The following ANKIB1 variants were observed in gnomAD, a reference collection of about 807,000 sequenced individuals.
ANKIB1 encodes ankyrin repeat and IBR domain containing 1.
In ANKIB1, 43 loss-of-function variants were observed where a neutral mutation model predicts 122.1. The ratio of observed to expected loss-of-function variants is 0.35; its 90% confidence interval spans 0.28 to 0.45. ANKIB1 has a LOEUF of 0.45. Ranked by LOEUF, ANKIB1 falls within the 20% of genes least tolerant of loss-of-function variation. ANKIB1 has a pLI of 1.00. For missense variants in ANKIB1, 992 were observed against 1,329.5 expected, an observed-to-expected ratio of 0.75 and a Z score of 3.95; for synonymous variants, 390 against 442.0, an observed-to-expected ratio of 0.88 and a Z score of 1.48.
At chr7:92,257,108 T>C (rs887166701) in intron 1 of ANKIB1, among the ~76,000 whole-genome samples, 24 of 151,550 alleles carry the variant, frequency 1.6e-4, no homozygotes, top group African/African-American at 4.1e-4. Context: ...TAGAATTGCT[T>C]GAACCTGAGA....
intron 3 of ANKIB1, among the ~76,000 whole-genome samples, chr7:92,316,839 T>G (rs1246545150): frequency 2.6e-5 from 4 of 152,202 alleles, no homozygotes; most frequent in Non-Finnish European, 2.9e-5. Flanking sequence ...AATTTTGTTG[T>G]CTTTGCTTTT....
chr7:92,264,791 A>G (rs538239525), intron 1 of ANKIB1, among the ~76,000 whole-genome samples: 25 of 152,316 alleles, frequency 1.6e-4, no homozygotes, highest in Non-Finnish European at 2.1e-4. Context: ...GAATAAAACA[A>G]TTATGGTCTC....
intron 11 of ANKIB1, among the ~76,000 whole-genome samples, chr7:92,377,050 A>C (rs574268666): frequency 6.6e-6 from 1 of 152,248 alleles, no homozygotes; most frequent in African/African-American, 2.4e-5. Flanking sequence ...TTTCCTTTGC[A>C]TTCCCAATTT....
chr7:92,254,535 A>AC (rs1384778543), intron 1 of ANKIB1, among the ~76,000 whole-genome samples: 1 of 152,154 alleles, frequency 6.6e-6, no homozygotes, highest in Non-Finnish European at 1.5e-5. Flanking sequence ...TTTAAAAAAA[A>AC]GTTTCCTATG....
intron 1 of ANKIB1, chr7:92,294,559 A>T (rs1802313615): frequency 4.4e-6 from 1 of 224,790 alleles, no homozygotes. Context: ...AAGTGTTTTC[A>T]ACCATAAAAT....
chr7:92,378,363 G>A (rs530936892), intron 11 of ANKIB1, among the ~76,000 whole-genome samples: 2 of 151,918 alleles, frequency 1.3e-5, no homozygotes, highest in African/African-American at 4.8e-5. Flanking sequence ...GATTAGGGAT[G>A]CTTCCACCTA....
At chr7:92,261,472 G>T (rs1801563411) in intron 1 of ANKIB1, among the ~76,000 whole-genome samples, 1 of 151,564 alleles carries the variant, frequency 6.6e-6, no homozygotes, top group Non-Finnish European at 1.5e-5. Flanking sequence ...TCTCTCTAAG[G>T]TATATGAGTT....
intron 1 of ANKIB1, among the ~76,000 whole-genome samples, chr7:92,255,972 C>T (rs1801435977): frequency 6.6e-6 from 1 of 150,582 alleles, no homozygotes; most frequent in Non-Finnish European, 1.5e-5. Context: ...TACCAGATAA[C>T]TCAAGAAGCA....
At chr7:92,263,854 T>A (rs1446726817) in intron 1 of ANKIB1, among the ~76,000 whole-genome samples, 1 of 152,190 alleles carries the variant, frequency 6.6e-6, no homozygotes, top group Non-Finnish European at 1.5e-5. Flanking sequence ...TGATTTCAAG[T>A]ATTACTTAAT....
At chr7:92,385,039 G>GA (rs1449420887) in intron 11 of ANKIB1, among the ~76,000 whole-genome samples, 1 of 151,904 alleles carries the variant, frequency 6.6e-6, no homozygotes, top group East Asian at 1.9e-4. Context: ...CAATTTACAA[G>GA]AAAAAAACAA....
intron 10 of ANKIB1, among the ~76,000 whole-genome samples, chr7:92,363,568 G>A (rs974147712): frequency 1.3e-5 from 2 of 152,232 alleles, no homozygotes; most frequent in Non-Finnish European, 2.9e-5. Flanking sequence ...CAGAAACAAT[G>A]ACAAACTCAG....
chr7:92,371,473 A>G lies in ANKIB1; in HGVS notation c.1487-4A>G. 6.2e-7 allele frequency: 1 copy of G among 1,602,824 alleles called. No homozygotes were observed. Among genetic ancestry groups the G allele is most frequent in the Non-Finnish European group, 8.5e-7 (1 of 1,174,044 alleles). On this transcript the variant is annotated splice_polypyrimidine_tract_variant and splice_region_variant and intron_variant, in intron 10 of 19. Transcript: ENST00000265742. Reference sequence around the variant, plus strand: ...TTTTTGTGATTGTGTTTAATATCCCAAAGTTGTGGGAGTTAGTGAAGCCTA... The same window carrying G: ...TTTTTGTGATTGTGTTTAATATCCCGAAGTTGTGGGAGTTAGTGAAGCCTA...
chr7:92,398,974 G>T lies in ANKIB1; in HGVS notation c.*25G>T. On this transcript the variant is annotated 3_prime_UTR_variant, in exon 20 of 20. Transcript: ENST00000265742. ...AACTGCACACATCTGGGCTCTAAAT[G>T]AATTACAGGTACAGATGGTATGCTA... 2 of 1,521,500 alleles carry T rather than the reference G, an allele frequency of 1.3e-6. No homozygotes were observed. The highest frequency in any genetic ancestry group is 1.3e-5 in the South Asian group (1 of 74,730). The allele number at this position is 1,521,500 out of a possible 1,614,324, so 94.2% of individuals were successfully genotyped here. A position where few individuals can be genotyped will look rare whatever the true frequency, so the allele number is the denominator to read the frequency against.
intron 9 of ANKIB1, 125 bp downstream of exon 9, chr7:92,352,767 A>G (rs577729977): frequency 1.0e-6 from 1 of 997,084 alleles, no homozygotes; most frequent in African/African-American, 1.6e-5. Flanking sequence ...TAATTTAAGA[A>G]ATGTGTAAGA....
At chr7:92,363,655 G>T (rs572861999) in intron 10 of ANKIB1, among the ~76,000 whole-genome samples, 1 of 152,188 alleles carries the variant, frequency 6.6e-6, no homozygotes, top group Non-Finnish European at 1.5e-5. Context: ...TCTCTGCCTC[G>T]TAGTAGGTAA....
intron 1 of ANKIB1, among the ~76,000 whole-genome samples, chr7:92,253,734 T>C (rs1307706790): frequency 1.3e-5 from 2 of 152,160 alleles, no homozygotes; most frequent in South Asian, 2.1e-4. Context: ...TAGTATTTCA[T>C]TGTGCATGTG....
At chr7:92,306,566 C>G (rs1802566453) in intron 2 of ANKIB1, among the ~76,000 whole-genome samples, 1 of 151,950 alleles carries the variant, frequency 6.6e-6, no homozygotes, top group Non-Finnish European at 1.5e-5. Context: ...GAGTAGTGCA[C>G]AGAGACATGG....
chr7:92,371,281 T>G (rs1412786590), intron 10 of ANKIB1, among the ~76,000 whole-genome samples, 196 bp from the exon 11 acceptor site: 2 of 152,174 alleles, frequency 1.3e-5, no homozygotes, highest in Non-Finnish European at 2.9e-5. Flanking sequence ...GAATAGGTCT[T>G]TTGGAATAGA....
intron 1 of ANKIB1, among the ~76,000 whole-genome samples, chr7:92,277,784 T>C (rs1346065905): frequency 1.3e-5 from 2 of 150,750 alleles, no homozygotes; most frequent in African/African-American, 2.4e-5. Context: ...TCTTCTCTAC[T>C]AAAAATAAAA....
Sources: gnomAD v4.1 joint callset for allele counts (sites outside exome capture counted in the v4.1 genomes callset) on GRCh38, gnomAD v4.1.1 for gene constraint, MANE v1.5 for transcripts, NCBI Gene and HGNC (gene_info 2026-07-23, HGNC 2026-07-21) for gene names.